MON2: variants seen among roughly 807,000 people sequenced by gnomAD.
MON2 encodes MON2 regulator of endosome-to-Golgi trafficking.
MON2 carries 84 observed loss-of-function variants against 208.6 expected under a neutral mutation model. The ratio of observed to expected loss-of-function variants is 0.40; its 90% confidence interval spans 0.34 to 0.48. The LOEUF is 0.48. MON2 is among the 20% of genes least tolerant of loss of function. MON2 has a pLI of 0.59. For missense variants in MON2, 1,611 were observed against 2,015.4 expected (o/e 0.80, Z 3.84); for synonymous variants, 660 against 694.0 (o/e 0.95, Z 0.77).
At chr12:62,518,967 T>G (rs1018579017) in intron 8 of MON2, among the ~76,000 whole-genome samples, 3 of 152,230 alleles carry the variant, frequency 2.0e-5, no homozygotes, top group African/African-American at 7.2e-5. Context: ...GGTTGATGTG[T>G]GATGCCTCTC....
chr12:62,588,284 A>G (rs1249763153), intron 34 of MON2, 128 bp downstream of exon 34: 5 of 619,764 alleles, frequency 8.1e-6, no homozygotes, highest in East Asian at 3.2e-5. Context: ...TCCAGTTCTC[A>G]TGACAACAAA....
chr12:62,566,380 T>G lies in MON2; in HGVS notation c.4253T>G (p.Val1418Gly). 1 of 1,613,692 alleles carries G rather than the reference T, an allele frequency of 6.2e-7. No homozygotes were observed. Among genetic ancestry groups the G allele is most frequent in the Non-Finnish European group, 8.5e-7 (1 of 1,179,716 alleles). ...PFAERSLEVVVDLYQKTACHK... is the reference protein window; with the variant it reads ...PFAERSLEVVGDLYQKTACHK... ...GCTGAAAGGTCTTTAGAAGTAGTTG[T>G]GGATTTATACCAAAAAACAGCGTGT... The change falls in exon 29 of 35, where the codon GTG becomes GGG. Residue 1418 changes from valine (V) to glycine (G), a missense_variant. By Grantham distance (109) the Val-to-Gly change is moderately radical (BLOSUM62 -3). Coordinates refer to ENST00000393630, the MANE Select transcript of MON2 (RefSeq NM_015026.3).
At chr12:62,521,928 C>A (rs988673301) in intron 8 of MON2, among the ~76,000 whole-genome samples, 1 of 152,200 alleles carries the variant, frequency 6.6e-6, no homozygotes, top group African/African-American at 2.4e-5. Flanking sequence ...TGTGGTGGCT[C>A]ACGCCTATAA....
At chr12:62,528,325 G>T (rs1334218920) in intron 11 of MON2, among the ~76,000 whole-genome samples, 2 of 152,094 alleles carry the variant, frequency 1.3e-5, no homozygotes, top group African/African-American at 4.8e-5. Flanking sequence ...AGTATAATTT[G>T]AAAACTTAAG....
intron 2 of MON2, among the ~76,000 whole-genome samples, chr12:62,489,505 C>T (rs538412056): frequency 1.3e-5 from 2 of 151,962 alleles, no homozygotes; most frequent in East Asian, 1.9e-4. Flanking sequence ...ATTTTTTTAT[C>T]TAGAGGCTTT....
intron 2 of MON2, among the ~76,000 whole-genome samples, chr12:62,493,702 G>T (rs889132281): frequency 1.3e-4 from 20 of 152,246 alleles, no homozygotes; most frequent in African/African-American, 3.9e-4. Flanking sequence ...AAAAGCATGG[G>T]AAAGCAGTAG....
intron 23 of MON2, 142 bp from the exon 24 acceptor site, chr12:62,552,739 G>C (rs1159205688): frequency 1.7e-6 from 1 of 603,372 alleles, no homozygotes; most frequent in African/African-American, 1.9e-5. Context: ...TGTTTTCATT[G>C]AATCTATTCT....
At chr12:62,478,588 A>G (rs2069222153) in intron 1 of MON2, among the ~76,000 whole-genome samples, 1 of 152,214 alleles carries the variant, frequency 6.6e-6, no homozygotes, top group Non-Finnish European at 1.5e-5. Flanking sequence ...ATTTGTGAAT[A>G]TGTTGGCATT....
Position 62,592,745 on chromosome 12 carries a change from C to A in MON2, c.5150C>A (p.Ser1717Tyr). Residue 1717 changes from serine to tyrosine, a missense_variant, in exon 35 of 35, where the codon TCT becomes TAT. Physicochemically the swap from Ser to Tyr is moderately radical, Grantham distance 144. Transcript: ENST00000393630. The stretch of plus-strand genomic sequence containing the variant: ...GCATCCAGAGTTCAAAATGGAGAAT[C>A]TTGACCGGCTACAATATATTTGAAA... The part of the protein sequence containing the change: ...PPASRVQNGE[S>Y] The A allele has an allele frequency of 6.3e-7, 1 of 1,588,686 alleles. No homozygotes were observed. The highest frequency in any genetic ancestry group is 1.1e-5 in the South Asian group (1 of 88,576).
rs1330504299 is a variant in MON2 at position 62,577,154 on chromosome 12, G to A, written c.4515-1291G>A. Among the ~76,000 whole-genome samples, 6 of 152,130 alleles carry A rather than the reference G, an allele frequency of 3.9e-5. No individual in the cohort carries two copies. The East Asian group carries it at 1.2e-3, about 29-fold the overall frequency. Reference sequence around the variant, plus strand: ...ATTAAACACAACTTTTGTCTCTAGAGATGCAGATATAGTCTGTGAAGCTGC... The same window carrying A: ...ATTAAACACAACTTTTGTCTCTAGAAATGCAGATATAGTCTGTGAAGCTGC... On this transcript the variant is annotated intron_variant, in intron 30 of 34. Coordinates refer to ENST00000393630, the MANE Select transcript of MON2 (RefSeq NM_015026.3).
chr12:62,566,264 A>C, intron 28 of MON2, 58 bp from the exon 29 acceptor site: 1 of 1,566,654 alleles, frequency 6.4e-7, no homozygotes, highest in Non-Finnish European at 8.7e-7. Flanking sequence ...TTTGAAAACA[A>C]TATGATTAAT....
At chr12:62,548,942 TGAG>T (rs2136290702) in intron 22 of MON2, among the ~76,000 whole-genome samples, 1 of 152,294 alleles carries the variant, frequency 6.6e-6, no homozygotes, top group Admixed American at 6.5e-5. Flanking sequence ...TATAAAAGAA[TGAG>T]GAGCTCTTTT....
At chr12:62,470,991 G>T (rs1268609122) in intron 1 of MON2, among the ~76,000 whole-genome samples, 1 of 152,124 alleles carries the variant, frequency 6.6e-6, no homozygotes, top group Non-Finnish European at 1.5e-5. Flanking sequence ...TAGACAGAAG[G>T]TTGCTTGCAT....
intron 1 of MON2, among the ~76,000 whole-genome samples, chr12:62,470,411 G>A (rs566192479): frequency 1.3e-5 from 2 of 152,046 alleles, no homozygotes; most frequent in Non-Finnish European, 2.9e-5. Context: ...TAGTGGCTAT[G>A]GCTTTATTCT....
At chr12:62,586,347 G>A (rs538676968) in intron 33 of MON2, among the ~76,000 whole-genome samples, 2 of 152,242 alleles carry the variant, frequency 1.3e-5, no homozygotes, top group Non-Finnish European at 2.9e-5. Context: ...GAATTGACCT[G>A]TCAAAAGGCA....
At chr12:62,577,708 G>C (rs1467247732) in intron 30 of MON2, among the ~76,000 whole-genome samples, 2 of 152,004 alleles carry the variant, frequency 1.3e-5, no homozygotes. Context: ...ATTGCTATGG[G>C]AGATTAATAC....
At chr12:62,522,324 T>C (rs1380773343) in intron 8 of MON2, among the ~76,000 whole-genome samples, 5 of 152,210 alleles carry the variant, frequency 3.3e-5, no homozygotes, top group Non-Finnish European at 7.3e-5. Flanking sequence ...ACAAAAGATC[T>C]CATCACTACC....
At chr12:62,521,766 A>G (rs1791917937) in intron 8 of MON2, among the ~76,000 whole-genome samples, 1 of 152,258 alleles carries the variant, frequency 6.6e-6, no homozygotes, top group Admixed American at 6.5e-5. Flanking sequence ...AGGTATATTA[A>G]TAGCTACTAT....
chr12:62,566,494 A>G (rs1327115998), intron 29 of MON2, 44 bp downstream of exon 29: 2 of 1,520,792 alleles, frequency 1.3e-6, no homozygotes, highest in Non-Finnish European at 1.8e-6. Flanking sequence ...TGGTGTGAAC[A>G]TTATTGAAAT....
Sources: allele counts gnomAD v4.1 joint callset (sites outside exome capture counted in the v4.1 genomes callset), GRCh38; gene constraint gnomAD v4.1.1; transcripts MANE v1.5; gene names NCBI Gene and HGNC (gene_info 2026-07-23, HGNC 2026-07-21).